The following PCDHGA11 variants were observed in gnomAD, a reference collection of about 807,000 sequenced individuals.
PCDHGA11 encodes protocadherin gamma-A11.
A neutral mutation model predicts 60.4 loss-of-function variants in PCDHGA11; 39 were observed. The observed-to-expected ratio is 0.65, with a 90% CI of 0.50 to 0.84. The LOEUF (loss-of-function observed/expected upper bound fraction) is 0.84, where lower values mean the gene tolerates loss of function less well. PCDHGA11 is among the 40% of genes least tolerant of loss of function. PCDHGA11 has a pLI of 0.00. For synonymous variants in PCDHGA11, 533 were observed against 510.3 expected, an observed-to-expected ratio of 1.04 and a Z score of -0.60; for missense variants, 1,165 against 1,197.7, an observed-to-expected ratio of 0.97 and a Z score of 0.40.
At chr5:141,478,251 T>C in intron 1 of PCDHGA11, 1 of 1,614,072 alleles carries the variant, frequency 6.2e-7, no homozygotes, top group Non-Finnish European at 8.5e-7. Context: ...GTGTTCGGAG[T>C]AATCATATTC....
At chr5:141,457,647 T>C (rs929739178) in intron 1 of PCDHGA11, among the ~76,000 whole-genome samples, 6 of 152,256 alleles carry the variant, frequency 3.9e-5, no homozygotes, top group Non-Finnish European at 8.8e-5. Context: ...ATTATTTGCA[T>C]GAAGTGCAGC....
intron 2 of PCDHGA11, among the ~76,000 whole-genome samples, chr5:141,496,347 T>C (rs1168306693): frequency 6.6e-6 from 1 of 152,198 alleles, no homozygotes; most frequent in Non-Finnish European, 1.5e-5. Context: ...TGGAGGAGTC[T>C]CAGAGCCCAG....
In PCDHGA11 at chr5:141,432,296, G is replaced by T; in HGVS notation, c.2433+8636G>T. On this transcript the variant is annotated intron_variant, in intron 1 of 3. Coordinates refer to ENST00000398587, the MANE Select transcript of PCDHGA11 (RefSeq NM_018914.3). This position sits in a 1 kb window ranked among gnomAD's most constrained non-coding sequence, Gnocchi z 6.0. ...CGTGTCCATCAACTCCGACACTGGG[G>T]TACTGTATGCGCTGAGCTCCTTCGA... 1 of 1,614,224 alleles carries T rather than the reference G, an allele frequency of 6.2e-7. No individual in the cohort carries two copies. Among genetic ancestry groups the T allele is most frequent in the Non-Finnish European group, 8.5e-7 (1 of 1,180,044 alleles).
rs546494803 is a variant in PCDHGA11 at position 141,425,207 on chromosome 5, G to C, written c.2433+1547G>C. Among the ~76,000 whole-genome samples, 7 of 152,120 alleles carry C rather than the reference G, an allele frequency of 4.6e-5. No homozygotes were observed. In the East Asian group the frequency reaches 1.2e-3, roughly 25 times the overall value. ...TCCAAACTGAGAAAAATGATGTAAG[G>C]CATTGTACTTTGACTGGAATTAGTT... On this transcript the variant is annotated intron_variant, in intron 1 of 3. Transcript: ENST00000398587.
chr5:141,458,404 G>A lies in PCDHGA11; in HGVS notation c.2433+34744G>A, dbSNP rs183963289. Among the ~76,000 whole-genome samples the A allele has an allele frequency of 4.6e-5, 7 of 152,218 alleles. No homozygotes were observed. The East Asian group carries it at 5.8e-4, about 13-fold the overall frequency. ...GGAAGACGCTCCCCCTTGCAGAGAC[G>A]GAGCGGGGGTTCCAAAGCTGAAAGA... On this transcript the variant is annotated intron_variant, in intron 1 of 3. Transcript: ENST00000398587.
intron 1 of PCDHGA11, among the ~76,000 whole-genome samples, chr5:141,472,991 AAAAAAAGAAAGAAAAAG>A (rs2099310051): frequency 6.6e-6 from 1 of 151,894 alleles, no homozygotes; most frequent in Admixed American, 6.6e-5. Flanking sequence ...AAAAAAAAAA[AAAAAAAGAAAGAAAAAG>A]AAAAAGAAAG....
At chr5:141,429,240 TGA>T (rs998506084) in intron 1 of PCDHGA11, 1 of 151,858 alleles carries the variant, frequency 6.6e-6, no homozygotes, top group Non-Finnish European at 1.5e-5. Context: ...CTGCTGTCAT[TGA>T]GATATTTTAA....
chr5:141,491,254 G>A lies in PCDHGA11; in HGVS notation c.2434-3553G>A, dbSNP rs746242389. ...GCTGGTTCTGGAGGATGAGGACCCT[G>A]AGGAAATGCCCAAATCCAGTGACTT... is the stretch of plus-strand genomic sequence containing the variant. On this transcript the variant is annotated intron_variant, in intron 1 of 3. Coordinates refer to ENST00000398587, the MANE Select transcript of PCDHGA11 (RefSeq NM_018914.3). This position sits in a 1 kb window ranked among gnomAD's most constrained non-coding sequence, Gnocchi z 6.9. 24 of 1,614,198 alleles carry A rather than the reference G, an allele frequency of 1.5e-5. No individual in the cohort carries two copies. The highest frequency in any genetic ancestry group is 2.0e-5 in the Non-Finnish European group (24 of 1,180,018).
intron 1 of PCDHGA11, chr5:141,478,323 G>T (rs1234175290): frequency 1.2e-6 from 2 of 1,613,958 alleles, no homozygotes; most frequent in African/African-American, 2.7e-5. Context: ...TCACTGTACC[G>T]AACACCAGGG....
At position 141,476,668 on chromosome 5, in the gene PCDHGA11, G is replaced by A; in HGVS notation, c.2434-18139G>A. The A allele has an allele frequency of 6.2e-7, 1 of 1,614,262 alleles. No individual in the cohort carries two copies. Among genetic ancestry groups the A allele is most frequent in the Non-Finnish European group, 8.5e-7 (1 of 1,180,054 alleles). On this transcript the variant is annotated intron_variant, in intron 1 of 3. Transcript: ENST00000398587. This position sits in a 1 kb window ranked among gnomAD's most constrained non-coding sequence, Gnocchi z 7.6. ...GAAATGAATACTTTGCGCTTCGCGT[G>A]CAGACGCGGGAGGACAGCACCAAGT...
chr5:141,436,063 A>G (rs1406994228), intron 1 of PCDHGA11, among the ~76,000 whole-genome samples: 1 of 152,230 alleles, frequency 6.6e-6, no homozygotes, highest in Non-Finnish European at 1.5e-5. Flanking sequence ...ATAGAATTTA[A>G]TAAGTACAGT....
intron 3 of PCDHGA11, among the ~76,000 whole-genome samples, chr5:141,506,444 CA>C (rs1219684339): frequency 0.54 from 51,660 of 95,006 alleles, 10,715 homozygotes; most frequent in African/African-American, 0.61. Context: ...CGCTCTGTCT[CA>C]AAAAAAAAAA....
At chr5:141,427,944 A>C (rs780874108) in intron 1 of PCDHGA11, 63 of 1,586,294 alleles carry the variant, frequency 4.0e-5, no homozygotes, top group Non-Finnish European at 8.6e-6. Context: ...GGGCGACCTC[A>C]ATGACAATGT....
At chr5:141,481,035 G>C (rs1342607604) in intron 1 of PCDHGA11, among the ~76,000 whole-genome samples, 1 of 152,094 alleles carries the variant, frequency 6.6e-6, no homozygotes, top group Non-Finnish European at 1.5e-5. Flanking sequence ...TCCAGCCTGG[G>C]CGACAGAGCG....
At chr5:141,427,056 T>C (rs1472513807) in intron 1 of PCDHGA11, 1 of 457,676 alleles carries the variant, frequency 2.2e-6, no homozygotes, top group Non-Finnish European at 4.4e-6. Flanking sequence ...CCCAGGCACC[T>C]CTGTACTAAA....
intron 2 of PCDHGA11, among the ~76,000 whole-genome samples, chr5:141,496,189 G>A (rs1362938002): frequency 1.3e-5 from 2 of 152,004 alleles, no homozygotes; most frequent in Admixed American, 6.6e-5. Flanking sequence ...AGCCCCAGCT[G>A]CTCATTTCAA....
In PCDHGA11 at chr5:141,476,802, C is replaced by T; in HGVS notation, c.2434-18005C>T. 2 of 1,613,638 alleles carry T rather than the reference C, an allele frequency of 1.2e-6. No homozygotes were observed. The highest frequency in any genetic ancestry group is 1.7e-6 in the Non-Finnish European group (2 of 1,180,020). On this transcript the variant is annotated intron_variant, in intron 1 of 3. Coordinates refer to ENST00000398587, the MANE Select transcript of PCDHGA11 (RefSeq NM_018914.3). The surrounding 1 kb of genome is among the most constrained non-coding windows in gnomAD (Gnocchi z 7.6). ...ACCCCAGCTCTCTCCGCCAGCCTGC[C>T]TATTCACATCAAGGTGCTGGACGCG... is the stretch of plus-strand genomic sequence containing the variant.
At position 141,477,269 on chromosome 5, in the gene PCDHGA11, G is replaced by A; in HGVS notation, c.2434-17538G>A. On this transcript the variant is annotated intron_variant, in intron 1 of 3. Coordinates refer to ENST00000398587, the MANE Select transcript of PCDHGA11 (RefSeq NM_018914.3). This position sits in a 1 kb window ranked among gnomAD's most constrained non-coding sequence, Gnocchi z 4.9. Reference sequence around the variant, plus strand: ...GACTGACCTGGATGCTGGCGAGAACGGGCTGGTGACCTGCGAAGTTCCACC... The same window carrying A: ...GACTGACCTGGATGCTGGCGAGAACAGGCTGGTGACCTGCGAAGTTCCACC... 1.9e-6 allele frequency: 3 copies of A among 1,614,154 alleles called. No individual in the cohort carries two copies. Among genetic ancestry groups the A allele is most frequent in the Non-Finnish European group, 2.5e-6 (3 of 1,180,030 alleles).
chr5:141,484,805 A>G (rs1594417928), intron 1 of PCDHGA11, among the ~76,000 whole-genome samples: 1 of 151,896 alleles, frequency 6.6e-6, no homozygotes, highest in East Asian at 1.9e-4. Context: ...CCGTGGAAAA[A>G]CATGCCGTTG....
Sources: gnomAD v4.1 joint callset for allele counts (sites outside exome capture counted in the v4.1 genomes callset) on GRCh38, gnomAD v4.1.1 for gene constraint, Gnocchi (gnomAD v3.1) non-coding constraint, MANE v1.5 for transcripts, NCBI Gene and HGNC (gene_info 2026-07-23, HGNC 2026-07-21) for gene names.